The following GABRB3 variants were observed in gnomAD, a reference collection of about 807,000 sequenced individuals.
GABRB3 encodes the protein gamma-aminobutyric acid type A receptor subunit beta3, also known as gamma-aminobutyric acid receptor subunit beta-3.
GABRB3 carries 14 observed loss-of-function variants against 52.1 expected under a neutral mutation model. The ratio of observed to expected loss-of-function variants is 0.27; its 90% CI spans 0.18 to 0.42. The LOEUF is 0.42. GABRB3 is among the 10% of genes least tolerant of loss of function. The pLI, the probability that GABRB3 is intolerant of heterozygous loss-of-function variation, is 1.00. For synonymous variants in GABRB3, 260 were observed against 232.3 expected, an observed-to-expected ratio of 1.12 and a Z score of -1.08; for missense variants, 307 against 609.1, an observed-to-expected ratio of 0.50 and a Z score of 5.22.
intron 3 of GABRB3, among the ~76,000 whole-genome samples, chr15:26,677,740 T>G (rs1344643769): frequency 6.6e-6 from 1 of 152,238 alleles, no homozygotes; most frequent in Non-Finnish European, 1.5e-5. Context: ...GTTATTTACT[T>G]TGAAGTTAAC....
intron 3 of GABRB3, among the ~76,000 whole-genome samples, chr15:26,717,767 C>A (rs187626138): frequency 1.3e-5 from 2 of 152,300 alleles, no homozygotes; most frequent in Non-Finnish European, 1.5e-5. Context: ...CACCTCTTTA[C>A]AAGCTGAGCT....
chr15:26,621,658 C>T lies in GABRB3; in HGVS notation c.241-124G>A. ...GTGAATAACCAGGAGAAACGGATGC[C>T]ATTTTTATGCAGAATGGGAAGCAAT... On this transcript the variant is annotated intron_variant, in intron 3 of 8. Transcript: ENST00000311550. The surrounding 1 kb of genome is among the most constrained non-coding windows in gnomAD (Gnocchi z 4.1). 1 of 707,006 alleles carries T rather than the reference C, an allele frequency of 1.4e-6. No individual in the cohort carries two copies. Among genetic ancestry groups the T allele is most frequent in the Non-Finnish European group, 2.4e-6 (1 of 414,998 alleles). 43.8% of individuals were successfully genotyped at this position (707,006 alleles called of 1,614,324 possible). A position where few individuals can be genotyped will look rare whatever the true frequency, so the allele number is the denominator to read the frequency against.
intron 3 of GABRB3, among the ~76,000 whole-genome samples, chr15:26,638,694 G>C (rs1261270970): frequency 1.3e-5 from 2 of 152,104 alleles, no homozygotes; most frequent in African/African-American, 2.4e-5. Context: ...CCCAAGCCTG[G>C]CATTTTTTTA....
At chr15:26,572,101 C>G (rs1003510447) in intron 6 of GABRB3, among the ~76,000 whole-genome samples, 1 of 151,684 alleles carries the variant, frequency 6.6e-6, no homozygotes, top group Non-Finnish European at 1.5e-5. Context: ...CAAAATGTTC[C>G]GGTATCCGGC....
chr15:26,772,825 C>T, intron 1 of GABRB3, 53 bp from the exon 2 acceptor site: 7 of 1,464,668 alleles, frequency 4.8e-6, no homozygotes, highest in Non-Finnish European at 6.3e-6. Context: ...GCTCAGCCGC[C>T]AGCGCCCCGC....
intron 3 of GABRB3, among the ~76,000 whole-genome samples, chr15:26,752,687 A>T (rs967200313): frequency 6.6e-6 from 1 of 152,202 alleles, no homozygotes; most frequent in African/African-American, 2.4e-5. Flanking sequence ...TAATCAAGCG[A>T]ATGAATATAT....
chr15:26,712,941 G>A lies in GABRB3; in HGVS notation c.240+59461C>T, dbSNP rs150438251. On this transcript the variant is annotated intron_variant, in intron 3 of 8. Coordinates refer to ENST00000311550, the MANE Select transcript of GABRB3 (RefSeq NM_000814.6). ...AGCAGCACACTGGGCTGCAGGCTTCGGAAACTCCGCATCATGCTGGCTGCA... is the reference window on the plus strand; with the variant it reads ...AGCAGCACACTGGGCTGCAGGCTTCAGAAACTCCGCATCATGCTGGCTGCA... 1.9e-4 allele frequency among the ~76,000 whole-genome samples: 29 copies of A among 152,334 alleles called. No homozygotes were observed. In the East Asian group the frequency reaches 4.8e-3, roughly 25 times the overall value.
chr15:26,638,363 G>T (rs573968766), intron 3 of GABRB3, among the ~76,000 whole-genome samples: 1 of 152,278 alleles, frequency 6.6e-6, no homozygotes, highest in African/African-American at 2.4e-5. Flanking sequence ...TGGCTGCTCT[G>T]CTCAGGGCTC....
chr15:26,661,835 C>T (rs900453292), intron 3 of GABRB3, among the ~76,000 whole-genome samples: 6 of 152,098 alleles, frequency 3.9e-5, no homozygotes, highest in African/African-American at 1.4e-4. Context: ...TCCCAGTCCT[C>T]AGGCCGAAGT....
intron 4 of GABRB3, among the ~76,000 whole-genome samples, chr15:26,603,420 CCT>C (rs1399115383): frequency 6.6e-6 from 1 of 151,830 alleles, no homozygotes; most frequent in Non-Finnish European, 1.5e-5. Flanking sequence ...CCAGTATCAC[CCT>C]GATACCAAAA....
chr15:26,768,332 T>G (rs984226238), intron 3 of GABRB3, among the ~76,000 whole-genome samples: 3 of 152,202 alleles, frequency 2.0e-5, no homozygotes, highest in Admixed American at 6.5e-5. Flanking sequence ...GAATCTAGTT[T>G]TATGTCCCTA....
upstream of GABRB3, chr15:26,773,665 G>A (rs1293302817): frequency 6.4e-7 from 1 of 1,571,196 alleles, no homozygotes; most frequent in African/African-American, 1.3e-5. Context: ...CAGAGCCTCG[G>A]GTCCCCAGGG....
chr15:26,563,727 C>T (rs1890068420), intron 7 of GABRB3, among the ~76,000 whole-genome samples: 2 of 152,204 alleles, frequency 1.3e-5, no homozygotes, highest in African/African-American at 4.8e-5. Context: ...TTGCCTTGAC[C>T]TTCTGCTCTC....
At chr15:26,650,658 C>T (rs1566790954) in intron 3 of GABRB3, among the ~76,000 whole-genome samples, 2 of 151,996 alleles carry the variant, frequency 1.3e-5, no homozygotes, top group Admixed American at 6.6e-5. Context: ...TTGATCCCCA[C>T]CCTTCACCTA....
chr15:26,568,482 C>G (rs1317709486), intron 6 of GABRB3, among the ~76,000 whole-genome samples: 3 of 147,070 alleles, frequency 2.0e-5, no homozygotes, highest in Non-Finnish European at 3.0e-5. Context: ...CCTTTTCTGT[C>G]TTATTTTGTT....
intron 3 of GABRB3, among the ~76,000 whole-genome samples, chr15:26,698,452 T>C (rs1166204624): frequency 1.3e-5 from 2 of 152,142 alleles, no homozygotes; most frequent in South Asian, 2.1e-4. Context: ...CACAATTATA[T>C]ACACATTTAT....
chr15:26,672,981 T>TA (rs1226243895), intron 3 of GABRB3, among the ~76,000 whole-genome samples: 4 of 151,942 alleles, frequency 2.6e-5, no homozygotes, highest in Non-Finnish European at 5.9e-5. Flanking sequence ...CATACTTACT[T>TA]ATCAAAAGCC....
At chr15:26,571,241 G>A (rs1406134108) in intron 6 of GABRB3, among the ~76,000 whole-genome samples, 3 of 151,960 alleles carry the variant, frequency 2.0e-5, no homozygotes, top group African/African-American at 7.3e-5. Context: ...CATCAGTCAG[G>A]ACATGTTGGC....
At chr15:26,658,857 A>G (rs925626157) in intron 3 of GABRB3, 3 of 152,256 alleles carry the variant, frequency 2.0e-5, no homozygotes, top group African/African-American at 7.2e-5. Context: ...TTGAAACGGA[A>G]CCCTCAAAAC....
Sources: allele counts gnomAD v4.1 joint callset (sites outside exome capture counted in the v4.1 genomes callset), GRCh38; gene constraint gnomAD v4.1.1; non-coding constraint Gnocchi (gnomAD v3.1); transcripts MANE v1.5; gene names NCBI Gene and HGNC (gene_info 2026-07-23, HGNC 2026-07-21).